Variants in SCHIP1 observed in about 807,000 individuals in gnomAD.
SCHIP1 encodes schwannomin-interacting protein 1.
A neutral mutation model predicts 29.7 loss-of-function variants in SCHIP1; 8 were observed. That is an observed-to-expected ratio of 0.27 (90% CI 0.16 to 0.49). The LOEUF (loss-of-function observed/expected upper bound fraction) is 0.49. Among genes scored for constraint, SCHIP1 ranks in the 20% least tolerant of loss-of-function variants. SCHIP1 has a pLI of 0.99. For synonymous variants in SCHIP1, 76 were observed against 94.9 expected (o/e 0.80, Z 1.16); for missense variants, 193 against 294.6 (o/e 0.66, Z 2.52).
chr3:159,466,821 C>G, the SCHIP1 span, among the ~76,000 whole-genome samples: 2 of 152,086 alleles, frequency 1.3e-5, no homozygotes, highest in African/African-American at 2.4e-5. Context: ...TGGGCCTGAG[C>G]GCATCCTCCT....
At chr3:159,324,283 G>T in the SCHIP1 span, among the ~76,000 whole-genome samples, 4 of 152,138 alleles carry the variant, frequency 2.6e-5, no homozygotes, top group Non-Finnish European at 5.9e-5. Context: ...CCTGAAAGTT[G>T]AATTGAGTCA....
the SCHIP1 span, among the ~76,000 whole-genome samples, chr3:159,744,462 A>C: frequency 1.1e-4 from 17 of 152,336 alleles, no homozygotes; most frequent in Non-Finnish European, 2.5e-4. Context: ...TGACTAGAAA[A>C]AATTCTGTAG....
At chr3:159,873,664 G>A (rs905903602) in intron 2 of SCHIP1, among the ~76,000 whole-genome samples, 5 of 152,152 alleles carry the variant, frequency 3.3e-5, no homozygotes, top group African/African-American at 1.2e-4. Context: ...GGCAAGTAGA[G>A]TGTCATTTTT....
the SCHIP1 span, chr3:159,401,348 G>C: frequency 1.0e-6 from 1 of 970,456 alleles, no homozygotes; most frequent in Non-Finnish European, 1.2e-6. Flanking sequence ...TAGACTAAGT[G>C]GGATGTAGTT....
At chr3:159,308,952 G>A in the SCHIP1 span, among the ~76,000 whole-genome samples, 892 of 152,164 alleles carry the variant, frequency 5.9e-3, 12 homozygotes, top group African/African-American at 0.02. Context: ...CTTATAAATG[G>A]GAGGTAAACA....
the SCHIP1 span, among the ~76,000 whole-genome samples, chr3:159,554,239 T>A: frequency 6.6e-6 from 1 of 152,196 alleles, no homozygotes. Flanking sequence ...CTGTTCTGAA[T>A]GAAAACTGGA....
At chr3:159,513,813 A>G in the SCHIP1 span, among the ~76,000 whole-genome samples, 2 of 152,218 alleles carry the variant, frequency 1.3e-5, no homozygotes, top group African/African-American at 4.8e-5. Flanking sequence ...TGCATTGATA[A>G]GGGGGCAGGA....
chr3:159,838,116 G>A (rs754224745), upstream of SCHIP1, among the ~76,000 whole-genome samples: 23 of 152,260 alleles, frequency 1.5e-4, no homozygotes, highest in African/African-American at 4.6e-4. Context: ...CCATCTTTTC[G>A]TTCTCCTCAC....
chr3:159,578,000 A>G, the SCHIP1 span, among the ~76,000 whole-genome samples: 1 of 152,214 alleles, frequency 6.6e-6, no homozygotes, highest in Non-Finnish European at 1.5e-5. Context: ...TTTAATGGGC[A>G]TTTGAATCAC....
chr3:159,684,377 T>C, the SCHIP1 span, among the ~76,000 whole-genome samples: 1 of 152,230 alleles, frequency 6.6e-6, no homozygotes, highest in African/African-American at 2.4e-5. Context: ...CATTGGTGTT[T>C]TCTCACTGTG....
intron 2 of SCHIP1, among the ~76,000 whole-genome samples, chr3:159,875,565 G>A (rs992589775): frequency 1.3e-5 from 2 of 152,190 alleles, no homozygotes; most frequent in African/African-American, 4.8e-5. Context: ...CTTTATTACT[G>A]TAGTTTGCAT....
chr3:159,748,833 G>A, the SCHIP1 span, among the ~76,000 whole-genome samples: 5 of 152,204 alleles, frequency 3.3e-5, no homozygotes, highest in Non-Finnish European at 5.9e-5. Context: ...TCTGTTGCTG[G>A]ATAATCTAGT....
chr3:159,731,575 A>T, the SCHIP1 span, among the ~76,000 whole-genome samples: 2 of 152,228 alleles, frequency 1.3e-5, no homozygotes, highest in Non-Finnish European at 2.9e-5. Context: ...GATGCAGCGC[A>T]AATGTGTCTT....
the SCHIP1 span, among the ~76,000 whole-genome samples, chr3:159,431,281 C>T: frequency 0.17 from 24,938 of 150,772 alleles, 2,400 homozygotes; most frequent in South Asian, 0.38. Flanking sequence ...TCCTTGATGA[C>T]GTGTGTGTGG....
At chr3:159,627,077 T>C in the SCHIP1 span, among the ~76,000 whole-genome samples, 1 of 152,192 alleles carries the variant, frequency 6.6e-6, no homozygotes, top group African/African-American at 2.4e-5. Context: ...CCACTCCCTG[T>C]GTCCATGTGT....
the SCHIP1 span, among the ~76,000 whole-genome samples, chr3:159,353,572 AACTT>A: frequency 1.3e-5 from 2 of 152,194 alleles, no homozygotes; most frequent in Non-Finnish European, 2.9e-5. Flanking sequence ...AAGTCTACAA[AACTT>A]ACTTGTCTGT....
the SCHIP1 span, among the ~76,000 whole-genome samples, chr3:159,574,554 G>C: frequency 6.6e-6 from 1 of 152,224 alleles, no homozygotes; most frequent in South Asian, 2.1e-4. Flanking sequence ...TCCCAGTTAG[G>C]CTACACGGGG....
chr3:159,346,176 A>G, the SCHIP1 span, among the ~76,000 whole-genome samples: 1 of 150,978 alleles, frequency 6.6e-6, no homozygotes, highest in African/African-American at 2.4e-5. Flanking sequence ...CAAGAGAATG[A>G]GACTCTGTCT....
chr3:159,392,180 G>T, the SCHIP1 span, among the ~76,000 whole-genome samples: 2 of 152,120 alleles, frequency 1.3e-5, no homozygotes, highest in Non-Finnish European at 2.9e-5. Context: ...ATTCACACAA[G>T]CAGAGTCATT....
Sources: gnomAD v4.1 joint callset for allele counts (sites outside exome capture counted in the v4.1 genomes callset) on GRCh38, gnomAD v4.1.1 for gene constraint, MANE v1.5 for transcripts, NCBI Gene and HGNC (gene_info 2026-07-23, HGNC 2026-07-21) for gene names.